CNTN5: variants seen among roughly 807,000 people sequenced by gnomAD.
The protein encoded by CNTN5 is contactin 5.
Under a neutral mutation model 129.1 loss-of-function variants are expected in CNTN5, and 77 were observed. The ratio of observed to expected loss-of-function variants is 0.60; its 90% confidence interval spans 0.50 to 0.72. CNTN5 has a LOEUF of 0.72. Ranked by LOEUF, CNTN5 falls within the 30% of genes least tolerant of loss-of-function variation. CNTN5 has a pLI of 0.00. For missense variants in CNTN5, 1,478 were observed against 1,328.8 expected (o/e 1.11, Z -1.75); for synonymous variants, 509 against 465.6 (o/e 1.09, Z -1.20).
At chr11:99,822,169 C>T (rs1946821545) in intron 4 of CNTN5, among the ~76,000 whole-genome samples, 1 of 152,056 alleles carries the variant, frequency 6.6e-6, no homozygotes. Context: ...AGAGTTAAGC[C>T]AAGAAGTACC....
chr11:99,089,223 T>C (rs942459498), intron 1 of CNTN5, among the ~76,000 whole-genome samples: 2 of 152,098 alleles, frequency 1.3e-5, no homozygotes, highest in African/African-American at 2.4e-5. Flanking sequence ...CTATATCTAG[T>C]ATACAAATAT....
At chr11:99,919,322 G>C (rs542969905) in intron 7 of CNTN5, among the ~76,000 whole-genome samples, 2 of 151,756 alleles carry the variant, frequency 1.3e-5, no homozygotes, top group Non-Finnish European at 2.9e-5. Flanking sequence ...CCCTTCTTCT[G>C]CATTTTTATC....
intron 3 of CNTN5, among the ~76,000 whole-genome samples, chr11:99,663,638 A>C (rs867355082): frequency 6.6e-6 from 1 of 152,132 alleles, no homozygotes; most frequent in South Asian, 2.1e-4. Context: ...GGTTTCCCCC[A>C]TGCTGTTCTC....
At chr11:99,768,521 C>A (rs1201803820) in intron 3 of CNTN5, among the ~76,000 whole-genome samples, 2 of 152,038 alleles carry the variant, frequency 1.3e-5, no homozygotes, top group African/African-American at 4.8e-5. Context: ...TATCTCTTGA[C>A]CCTTCTTTAG....
intron 9 of CNTN5, among the ~76,000 whole-genome samples, chr11:100,060,843 G>T (rs1216132334): frequency 6.6e-6 from 1 of 151,896 alleles, no homozygotes; most frequent in East Asian, 1.9e-4. Flanking sequence ...GTTTCACCAT[G>T]TTGCCCAGGC....
At chr11:100,236,177 A>G (rs961002707) in intron 16 of CNTN5, among the ~76,000 whole-genome samples, 3 of 152,168 alleles carry the variant, frequency 2.0e-5, no homozygotes, top group Non-Finnish European at 2.9e-5. Flanking sequence ...CAACATAAAT[A>G]AACAAGGCTG....
Position 99,180,397 on chromosome 11 carries a change from G to A in CNTN5, c.-209-144949G>A, listed in dbSNP as rs747663923. ...AGGAGAGGTCTCATGAAGTTTCGGC[G>A]CAGTCTGGGACCCTAACTCTTTTTG... On this transcript the variant is annotated intron_variant, in intron 1 of 24. Coordinates refer to ENST00000524871, the MANE Select transcript of CNTN5 (RefSeq NM_014361.4). Among the ~76,000 whole-genome samples the A allele has an allele frequency of 4.6e-5, 7 of 152,112 alleles. No individual in the cohort carries two copies. The East Asian group carries it at 1.2e-3, about 25-fold the overall frequency.
chr11:99,408,861 G>A (rs1006754163), intron 2 of CNTN5, among the ~76,000 whole-genome samples: 1 of 152,104 alleles, frequency 6.6e-6, no homozygotes, highest in Non-Finnish European at 1.5e-5. Flanking sequence ...AATAATAATA[G>A]GTAATCTTTA....
chr11:100,212,914 G>A (rs1446892152), intron 15 of CNTN5, among the ~76,000 whole-genome samples: 1 of 152,000 alleles, frequency 6.6e-6, no homozygotes, highest in Non-Finnish European at 1.5e-5. Context: ...AATCTTGGAA[G>A]ATGTTTCAGT....
chr11:99,232,113 G>A (rs1163000792), intron 1 of CNTN5, among the ~76,000 whole-genome samples: 2 of 152,128 alleles, frequency 1.3e-5, no homozygotes. Flanking sequence ...TTTTGCTTAG[G>A]ATTGTCTTGG....
chr11:99,622,178 CA>C (rs1246471997), intron 3 of CNTN5, among the ~76,000 whole-genome samples: 1 of 152,168 alleles, frequency 6.6e-6, no homozygotes, highest in Non-Finnish European at 1.5e-5. Context: ...ATGTAGAATT[CA>C]GCAAGTTAAT....
intron 6 of CNTN5, among the ~76,000 whole-genome samples, chr11:99,854,825 G>A (rs1267263134): frequency 2.0e-5 from 3 of 152,028 alleles, no homozygotes; most frequent in Admixed American, 1.3e-4. Flanking sequence ...GACAATTTGT[G>A]CTAGGAAAAA....
chr11:99,455,533 T>A (rs1187779507), intron 2 of CNTN5, among the ~76,000 whole-genome samples: 2 of 151,980 alleles, frequency 1.3e-5, no homozygotes, highest in Non-Finnish European at 2.9e-5. Context: ...CAGAAGAGTA[T>A]GCTGTTGTCG....
At chr11:99,486,533 T>G (rs995711104) in intron 2 of CNTN5, among the ~76,000 whole-genome samples, 1 of 152,170 alleles carries the variant, frequency 6.6e-6, no homozygotes, top group African/African-American at 2.4e-5. Context: ...ATTTATTTAA[T>G]GTAAATTAGT....
chr11:99,296,185 G>T (rs971441427), intron 1 of CNTN5, among the ~76,000 whole-genome samples: 14 of 152,118 alleles, frequency 9.2e-5, no homozygotes, highest in African/African-American at 3.4e-4. Flanking sequence ...TCACATCAAG[G>T]ATGTCATCTT....
intron 2 of CNTN5, among the ~76,000 whole-genome samples, chr11:99,408,452 A>AAGAAAG (rs1565557907): frequency 1.9e-3 from 176 of 91,038 alleles, no homozygotes; most frequent in South Asian, 7.9e-3. Context: ...AAGAAAGAGA[A>AAGAAAG]AGAAAGAAAG....
rs149697494 is a variant in CNTN5, at chr11:100,083,956, G to A, written c.1580+9662G>A. Among the ~76,000 whole-genome samples, 60 of 151,926 alleles carry A rather than the reference G, an allele frequency of 3.9e-4. No homozygotes were observed. In the East Asian group the frequency reaches 6.2e-3, roughly 16 times the overall value. ...AATAAAATAAGTCTCAACTCCCAAC[G>A]AGAGATAACACTGAGAAACTCAGTT... On this transcript the variant is annotated intron_variant, in intron 13 of 24. Coordinates refer to ENST00000524871, the MANE Select transcript of CNTN5 (RefSeq NM_014361.4).
At chr11:99,279,635 T>C (rs1275391407) in intron 1 of CNTN5, among the ~76,000 whole-genome samples, 1 of 151,788 alleles carries the variant, frequency 6.6e-6, no homozygotes, top group African/African-American at 2.4e-5. Context: ...CATTCCATCA[T>C]GTAGTATTTT....
intron 3 of CNTN5, among the ~76,000 whole-genome samples, chr11:99,763,469 ATAAT>A (rs1405887352): frequency 9.2e-5 from 14 of 152,278 alleles, no homozygotes; most frequent in African/African-American, 3.4e-4. Context: ...TGATAAATTA[ATAAT>A]TTTATTGTGG....
Sources: allele counts gnomAD v4.1 joint callset (sites outside exome capture counted in the v4.1 genomes callset), GRCh38; gene constraint gnomAD v4.1.1; transcripts MANE v1.5; gene names NCBI Gene and HGNC (gene_info 2026-07-23, HGNC 2026-07-21).